Variants in SLCO3A1 observed in about 807,000 individuals in gnomAD.
SLCO3A1 encodes solute carrier organic anion transporter family member 3A1.
In SLCO3A1, 27 loss-of-function variants were observed where a neutral mutation model predicts 63.1. That is an observed-to-expected ratio of 0.43 (90% CI 0.32 to 0.59). The LOEUF is 0.59. Ranked by LOEUF, SLCO3A1 falls within the 20% of genes least tolerant of loss-of-function variation. SLCO3A1 has a pLI of 0.09. For synonymous variants in SLCO3A1, 473 were observed against 409.9 expected (o/e 1.15, Z -1.86); for missense variants, 773 against 945.8 (o/e 0.82, Z 2.40).
intron 9 of SLCO3A1, among the ~76,000 whole-genome samples, chr15:92,161,031 A>G (rs776117960): frequency 6.6e-6 from 1 of 152,144 alleles, no homozygotes; most frequent in Non-Finnish European, 1.5e-5. Flanking sequence ...CTTCCTTAAT[A>G]CAAAATGAAA....
rs536285724 is a variant in SLCO3A1 at position 91,885,714 on chromosome 15, A to C, written c.181-30279A>C. ...ATCCCTGCTGTGAGCAGACACATAC[A>C]TGCGGTCTGACAATTCAGATCCCTT... On this transcript the variant is annotated intron_variant, in intron 1 of 9. Transcript: ENST00000318445. The surrounding 1 kb of genome is among the most constrained non-coding windows in gnomAD (Gnocchi z 4.7). Among the ~76,000 whole-genome samples, 2 of 152,298 alleles carry C rather than the reference A, an allele frequency of 1.3e-5. No individual in the cohort carries two copies. Among genetic ancestry groups the C allele is most frequent in the Admixed American group, 1.3e-4 (2 of 15,300 alleles).
At position 91,956,985 on chromosome 15, in the gene SLCO3A1, A is replaced by AGT. The variant is rs1297821954; in HGVS notation, c.646+40527_646+40528insGT. ...TTATATATATATATATAGTATATAT[A>AGT]ATATATAGTATATATTATATATATA... On this transcript the variant is annotated intron_variant, in intron 2 of 9. Coordinates refer to ENST00000318445, the MANE Select transcript of SLCO3A1 (RefSeq NM_013272.4). Among the ~76,000 whole-genome samples the AGT allele has an allele frequency of 2.2e-3, 36 of 16,566 alleles. 10 individuals are homozygous for AGT. In the African/African-American group the frequency reaches 0.024, roughly 11 times the overall value. 10.9% of individuals were successfully genotyped at this position (16,566 alleles called of 152,430 possible).
chr15:92,075,097 T>C (rs1274734662), intron 2 of SLCO3A1, among the ~76,000 whole-genome samples: 1 of 152,142 alleles, frequency 6.6e-6, no homozygotes, highest in Non-Finnish European at 1.5e-5. Context: ...AGCAGCTCAC[T>C]ACCCCTCTGA....
chr15:91,890,261 G>A (rs11074023), intron 1 of SLCO3A1, among the ~76,000 whole-genome samples: 46,218 of 152,080 alleles, frequency 0.3, 7,381 homozygotes, highest in East Asian at 0.41. Flanking sequence ...TATATTTGCT[G>A]TATAATTGTT....
chr15:92,040,487 C>T (rs372577031), intron 2 of SLCO3A1, among the ~76,000 whole-genome samples: 1 of 152,156 alleles, frequency 6.6e-6, no homozygotes, highest in South Asian at 2.1e-4. Context: ...TGAGAGCAAT[C>T]ATGTTATCTT....
chr15:92,017,286 G>GA (rs57195086), intron 2 of SLCO3A1, among the ~76,000 whole-genome samples: 10,862 of 135,856 alleles, frequency 0.08, 1,333 homozygotes, highest in African/African-American at 0.26. Flanking sequence ...AGCTGGGATT[G>GA]GGGGGGGGTA....
At chr15:91,892,102 C>G (rs1897885538) in intron 1 of SLCO3A1, among the ~76,000 whole-genome samples, 1 of 152,188 alleles carries the variant, frequency 6.6e-6, no homozygotes, top group Non-Finnish European at 1.5e-5. Flanking sequence ...CCTTTTGACA[C>G]TTGTAGAATA....
At chr15:92,139,221 C>G (rs1371085087) in intron 7 of SLCO3A1, among the ~76,000 whole-genome samples, 3 of 148,506 alleles carry the variant, frequency 2.0e-5, no homozygotes, top group African/African-American at 5.0e-5. Flanking sequence ...TTTTCTGCAT[C>G]TATTGAGATA....
At chr15:92,167,816 A>G (rs568075389), downstream of SLCO3A1, among the ~76,000 whole-genome samples, 1 of 151,558 alleles carries the variant, frequency 6.6e-6, no homozygotes, top group East Asian at 2.1e-4. Flanking sequence ...AACATGGGTT[A>G]TCAAACCTAA....
At chr15:91,906,002 T>G (rs952035417) in intron 1 of SLCO3A1, among the ~76,000 whole-genome samples, 2 of 152,166 alleles carry the variant, frequency 1.3e-5, no homozygotes, top group South Asian at 2.1e-4. Context: ...CCAGTGGGGT[T>G]GGGCGTCAAT....
intron 2 of SLCO3A1, among the ~76,000 whole-genome samples, chr15:92,072,208 T>G (rs1440266747): frequency 5.3e-5 from 8 of 150,856 alleles, no homozygotes; most frequent in Non-Finnish European, 8.8e-5. Context: ...TTTGGTTTTT[T>G]TTTTTTTTCC....
At chr15:92,006,622 A>C (rs2046315844) in intron 2 of SLCO3A1, among the ~76,000 whole-genome samples, 1 of 152,220 alleles carries the variant, frequency 6.6e-6, no homozygotes, top group Non-Finnish European at 1.5e-5. Context: ...TGAGTAAAAA[A>C]TTCCAGCAGG....
chr15:91,974,273 T>TATTATTATG (rs1190951682), intron 2 of SLCO3A1, among the ~76,000 whole-genome samples: 2 of 148,746 alleles, frequency 1.3e-5, no homozygotes, highest in Non-Finnish European at 3.0e-5. Flanking sequence ...TTGTTATTAT[T>TATTATTATG]ATTATTATTA....
chr15:92,006,903 T>C (rs890107984), intron 2 of SLCO3A1, among the ~76,000 whole-genome samples: 4 of 152,254 alleles, frequency 2.6e-5, no homozygotes, highest in Admixed American at 2.6e-4. Flanking sequence ...ATTTGATCTC[T>C]GTTTTAGAGA....
intron 4 of SLCO3A1, among the ~76,000 whole-genome samples, chr15:92,107,975 A>G (rs2047686124): frequency 6.6e-6 from 1 of 152,174 alleles, no homozygotes; most frequent in Non-Finnish European, 1.5e-5. Context: ...CTGTCTATAG[A>G]TGAGAAAACC....
chr15:92,170,397 C>T (rs1394237023), downstream of SLCO3A1, among the ~76,000 whole-genome samples: 1 of 152,190 alleles, frequency 6.6e-6, no homozygotes, highest in East Asian at 1.9e-4. Flanking sequence ...CTCCCAGCAG[C>T]CTTCTCACAC....
chr15:91,939,262 A>G (rs949148282), intron 2 of SLCO3A1, among the ~76,000 whole-genome samples: 1 of 152,082 alleles, frequency 6.6e-6, no homozygotes, highest in Non-Finnish European at 1.5e-5. Flanking sequence ...ACACTTTTCA[A>G]CGATCAGATC....
At chr15:91,944,492 T>G (rs984785070) in intron 2 of SLCO3A1, among the ~76,000 whole-genome samples, 11 of 151,868 alleles carry the variant, frequency 7.2e-5, no homozygotes, top group Non-Finnish European at 1.3e-4. Flanking sequence ...GGGCTCAGAG[T>G]GGCTTTGGCT....
chr15:92,167,185 C>A (rs934009470), downstream of SLCO3A1, among the ~76,000 whole-genome samples: 1 of 152,200 alleles, frequency 6.6e-6, no homozygotes, highest in African/African-American at 2.4e-5. Flanking sequence ...GCTATTCTTA[C>A]CTGACTATCT....
Sources: gnomAD v4.1 joint callset for allele counts (sites outside exome capture counted in the v4.1 genomes callset) on GRCh38, gnomAD v4.1.1 for gene constraint, Gnocchi (gnomAD v3.1) non-coding constraint, MANE v1.5 for transcripts, NCBI Gene and HGNC (gene_info 2026-07-23, HGNC 2026-07-21) for gene names.